The following DISC1 variants were observed in gnomAD, a reference collection of about 807,000 sequenced individuals.
The protein encoded by DISC1 is disrupted in schizophrenia 1 protein.
A neutral mutation model predicts 84.5 loss-of-function variants in DISC1; 57 were observed. That is an observed-to-expected ratio of 0.67 (90% CI 0.55 to 0.84). The LOEUF is 0.84. Among genes scored for constraint, DISC1 ranks in the 40% least tolerant of loss-of-function variants. DISC1 has a pLI of 0.00. For synonymous variants in DISC1, 411 were observed against 415.2 expected (o/e 0.99, Z 0.12); for missense variants, 1,000 against 1,057.8 (o/e 0.95, Z 0.76).
At chr1:231,914,132 G>T (rs552243689) in intron 9 of DISC1, among the ~76,000 whole-genome samples, 67 of 152,312 alleles carry the variant, frequency 4.4e-4, no homozygotes, top group African/African-American at 1.6e-3. Context: ...AGCACAGTTT[G>T]CCGCCTTCTG....
At chr1:231,777,427 G>C (rs1301577989) in intron 6 of DISC1, among the ~76,000 whole-genome samples, 1 of 152,034 alleles carries the variant, frequency 6.6e-6, no homozygotes, top group Non-Finnish European at 1.5e-5. Context: ...TTGCTATGTT[G>C]CCAGGTTAGA....
At chr1:232,006,802 A>T (rs2256510) in intron 10 of DISC1, among the ~76,000 whole-genome samples, 2 of 152,004 alleles carry the variant, frequency 1.3e-5, no homozygotes, top group African/African-American at 4.8e-5. Context: ...AAATGTCTCT[A>T]GGGCATGTCA....
intron 9 of DISC1, among the ~76,000 whole-genome samples, chr1:231,924,353 G>A (rs978051471): frequency 6.6e-6 from 1 of 152,204 alleles, no homozygotes; most frequent in East Asian, 1.9e-4. Context: ...TGTTGGAACC[G>A]GAAGTGGAAG....
chr1:231,704,697 T>C (rs2066821322), intron 3 of DISC1, among the ~76,000 whole-genome samples: 1 of 143,122 alleles, frequency 7.0e-6, no homozygotes, highest in Non-Finnish European at 1.5e-5. Context: ...GGGGCGGAGC[T>C]TGCAGTGAGC....
intron 8 of DISC1, among the ~76,000 whole-genome samples, chr1:231,814,749 C>G (rs1221697870): frequency 2.6e-5 from 4 of 152,118 alleles, no homozygotes; most frequent in Non-Finnish European, 5.9e-5. Flanking sequence ...TCCACATCAA[C>G]ACAAGATTTT....
intron 3 of DISC1, among the ~76,000 whole-genome samples, chr1:231,708,298 A>G (rs2067341606): frequency 1.3e-5 from 2 of 152,322 alleles, no homozygotes; most frequent in South Asian, 4.1e-4. Flanking sequence ...TGTAGAAGGC[A>G]AACTGGTCTC....
chr1:231,979,741 T>C (rs1277704967), intron 10 of DISC1, among the ~76,000 whole-genome samples: 2 of 151,366 alleles, frequency 1.3e-5, no homozygotes, highest in East Asian at 3.9e-4. Flanking sequence ...ATTAGGAGTA[T>C]AATATATAGA....
chr1:231,923,193 A>G (rs2090113408), intron 9 of DISC1, among the ~76,000 whole-genome samples: 2 of 151,658 alleles, frequency 1.3e-5, no homozygotes, highest in Admixed American at 6.6e-5. Flanking sequence ...AGGCTGAGGC[A>G]GGAGAATCGT....
Position 231,693,798 on chromosome 1 carries a change from A to G in DISC1, c.68-28A>G, listed in dbSNP as rs756761349. On this transcript the variant is annotated intron_variant, in intron 1 of 12. Coordinates refer to ENST00000439617, the MANE Select transcript of DISC1 (RefSeq NM_018662.3). ...CTGGGCCAGTAAGATCTGCATGTTT[A>G]TGGTGCTGTTTTTTCTTTTCTTCCC... 4 of 1,612,142 alleles carry G rather than the reference A, an allele frequency of 2.5e-6. No homozygotes were observed. In the South Asian group the frequency reaches 4.4e-5, roughly 18 times the overall value.
intron 9 of DISC1, among the ~76,000 whole-genome samples, chr1:231,889,023 G>A (rs908751439): frequency 2.6e-5 from 4 of 152,096 alleles, no homozygotes; most frequent in Non-Finnish European, 5.9e-5. Context: ...TTTCCACCTT[G>A]GCTCCTGGGG....
intron 9 of DISC1, among the ~76,000 whole-genome samples, chr1:231,843,362 T>C (rs2083218264): frequency 6.6e-6 from 1 of 152,064 alleles, no homozygotes; most frequent in Non-Finnish European, 1.5e-5. Flanking sequence ...GGTGGGCTTG[T>C]GTACCACTTA....
intron 9 of DISC1, among the ~76,000 whole-genome samples, chr1:231,883,366 C>A (rs2086435018): frequency 6.6e-6 from 1 of 152,116 alleles, no homozygotes; most frequent in African/African-American, 2.4e-5. Flanking sequence ...GCTCACATTC[C>A]TATAGGTAAG....
At chr1:232,014,643 T>C (rs1172512532) in intron 11 of DISC1, among the ~76,000 whole-genome samples, 1 of 152,240 alleles carries the variant, frequency 6.6e-6, no homozygotes, top group Admixed American at 6.5e-5. Flanking sequence ...TCATTTGCTA[T>C]TCATTCGATA....
At chr1:231,807,806 C>G (rs1407464479) in intron 8 of DISC1, among the ~76,000 whole-genome samples, 2 of 152,222 alleles carry the variant, frequency 1.3e-5, no homozygotes, top group Non-Finnish European at 2.9e-5. Context: ...TAAACAAACA[C>G]AGCCCTGCTA....
intron 1 of DISC1, among the ~76,000 whole-genome samples, chr1:231,662,319 T>G (rs1029351434): frequency 2.0e-5 from 3 of 152,232 alleles, no homozygotes; most frequent in African/African-American, 4.8e-5. Flanking sequence ...CTGGACTGTT[T>G]GCATTCTCCA....
chr1:231,856,308 G>A (rs999223118), intron 9 of DISC1, among the ~76,000 whole-genome samples: 1 of 152,066 alleles, frequency 6.6e-6, no homozygotes, highest in African/African-American at 2.4e-5. Context: ...GAGCATAAGA[G>A]CAGTTAATCA....
chr1:231,854,091 G>A (rs2084089552), intron 9 of DISC1, among the ~76,000 whole-genome samples: 1 of 152,160 alleles, frequency 6.6e-6, no homozygotes, highest in Admixed American at 6.5e-5. Flanking sequence ...TGACCCTGGG[G>A]CTGATAACCA....
rs16855400 is a variant in DISC1, at chr1:231,873,668, G to A, written c.1981+55151G>A. Among the ~76,000 whole-genome samples, 1,493 of 152,224 alleles carry A rather than the reference G, an allele frequency of 9.8e-3. 25 individuals carry two copies. The highest frequency in any genetic ancestry group is 0.034 in the African/African-American group (1,416 of 41,528). ...CAAATTTCCAGCTATCAAGGAAAAC[G>A]GGTTCAACCTCATAATTAGATCATT... On this transcript the variant is annotated intron_variant, in intron 9 of 12. Transcript: ENST00000439617.
At chr1:232,004,363 T>TAAAACACATACTG (rs1347243500) in intron 10 of DISC1, among the ~76,000 whole-genome samples, 1 of 151,908 alleles carries the variant, frequency 6.6e-6, no homozygotes, top group Admixed American at 6.6e-5. Context: ...AAAGAATAAG[T>TAAAACACATACTG]AAAACACATA....
Sources: gnomAD v4.1 joint callset for allele counts (sites outside exome capture counted in the v4.1 genomes callset) on GRCh38, gnomAD v4.1.1 for gene constraint, MANE v1.5 for transcripts, NCBI Gene and HGNC (gene_info 2026-07-23, HGNC 2026-07-21) for gene names.